Variants in FAM3B observed in about 807,000 individuals in gnomAD.
FAM3B encodes protein FAM3B.
In FAM3B, 29 loss-of-function variants were observed where a neutral mutation model predicts 28.4. That is an observed-to-expected ratio of 1.02 (90% confidence interval 0.76 to 1.39). The LOEUF is 1.39. Ranked by LOEUF, FAM3B falls within the 40% of genes most tolerant of loss-of-function variation. FAM3B has a pLI of 0.00. For missense variants in FAM3B, 266 were observed against 293.9 expected, an observed-to-expected ratio of 0.91 and a Z score of 0.69; for synonymous variants, 91 against 103.0, an observed-to-expected ratio of 0.88 and a Z score of 0.71.
intron 2 of FAM3B, among the ~76,000 whole-genome samples, chr21:41,327,637 G>A (rs2088865803): frequency 6.6e-6 from 1 of 152,196 alleles, no homozygotes; most frequent in Non-Finnish European, 1.5e-5. Flanking sequence ...TTACTCTTGT[G>A]ATTAATTTCT....
chr21:41,326,090 G>C lies in FAM3B; in HGVS notation c.163+3024G>C, dbSNP rs141564012. On this transcript the variant is annotated intron_variant, in intron 2 of 7. Coordinates refer to ENST00000357985, the MANE Select transcript of FAM3B (RefSeq NM_058186.4). This position sits in a 1 kb window ranked among gnomAD's most constrained non-coding sequence, Gnocchi z 4.0. The stretch of plus-strand genomic sequence containing the variant: ...CAGGAGACTAAATAGAAGGTCCGCC[G>C]TTCTCCCTGGCTAGGACACTGGCTT... Among the ~76,000 whole-genome samples, 1 of 152,202 alleles carries C rather than the reference G, an allele frequency of 6.6e-6. No homozygotes were observed. Among genetic ancestry groups the C allele is most frequent in the Non-Finnish European group, 1.5e-5 (1 of 68,034 alleles).
intron 3 of FAM3B, 34 bp from the exon 4 acceptor site, chr21:41,344,442 C>T: frequency 6.2e-7 from 1 of 1,606,432 alleles, no homozygotes; most frequent in Non-Finnish European, 8.5e-7. Flanking sequence ...TCGCACGCCT[C>T]TTGGTACTTG....
chr21:41,311,622 A>C (rs531469352), intron 1 of FAM3B, among the ~76,000 whole-genome samples: 25 of 152,236 alleles, frequency 1.6e-4, no homozygotes, highest in African/African-American at 5.3e-4. Flanking sequence ...ATTGTCTTAC[A>C]TTTTTGCAAA....
Position 41,328,086 on chromosome 21 carries a change from G to A in FAM3B, c.163+5020G>A, listed in dbSNP as rs113305365. 4.7e-3 allele frequency among the ~76,000 whole-genome samples: 723 copies of A among 152,336 alleles called. 8 individuals carry two copies. Among genetic ancestry groups the A allele is most frequent in the African/African-American group, 0.015 (618 of 41,572 alleles). ...TTCTGACAGCAGGGCCTGGTTAAAC[G>A]AACCATGGAGCTGTCTTGCTGAGAA... On this transcript the variant is annotated intron_variant, in intron 2 of 7. Coordinates refer to ENST00000357985, the MANE Select transcript of FAM3B (RefSeq NM_058186.4).
At chr21:41,334,747 G>A (rs2088938186) in intron 2 of FAM3B, among the ~76,000 whole-genome samples, 1 of 152,224 alleles carries the variant, frequency 6.6e-6, no homozygotes, top group African/African-American at 2.4e-5. Flanking sequence ...GGAGCTGTGG[G>A]AAGAGGGCCA....
At chr21:41,357,017 G>A (rs35582013) in intron 7 of FAM3B, 91 bp from the exon 8 acceptor site, 1 of 767,830 alleles carries the variant, frequency 1.3e-6, no homozygotes, top group Non-Finnish European at 2.0e-6. Flanking sequence ...TCCAAATCTA[G>A]GAAGTGGTTG....
intron 7 of FAM3B, among the ~76,000 whole-genome samples, chr21:41,354,509 A>T (rs560543732): frequency 6.6e-5 from 10 of 152,336 alleles, no homozygotes; most frequent in African/African-American, 2.4e-4. Context: ...ATAAAAAAGA[A>T]TGAGATAATG....
intron 2 of FAM3B, among the ~76,000 whole-genome samples, chr21:41,324,432 C>T (rs2088837696): frequency 6.6e-6 from 1 of 152,094 alleles, no homozygotes; most frequent in Non-Finnish European, 1.5e-5. Flanking sequence ...CATCCAGTGG[C>T]CAGTAAAGTC....
chr21:41,310,447 T>C (rs2088703029), intron 1 of FAM3B, among the ~76,000 whole-genome samples: 1 of 152,156 alleles, frequency 6.6e-6, no homozygotes. Context: ...AGAATGTGAG[T>C]GGCACAAGTT....
chr21:41,307,167 T>C (rs2088687094), intron 1 of FAM3B, among the ~76,000 whole-genome samples: 2 of 152,252 alleles, frequency 1.3e-5, no homozygotes, highest in African/African-American at 2.4e-5. Context: ...ATTCTGTAGC[T>C]TCTGCATCAG....
chr21:41,318,598 A>C (rs1195702275), intron 1 of FAM3B, among the ~76,000 whole-genome samples: 1 of 152,210 alleles, frequency 6.6e-6, no homozygotes, highest in Non-Finnish European at 1.5e-5. Context: ...AGTGAGTCCC[A>C]AAATACTGAC....
intron 1 of FAM3B, chr21:41,304,331 C>G: frequency 2.2e-6 from 1 of 455,510 alleles, no homozygotes; most frequent in South Asian, 1.6e-5. Flanking sequence ...GCGGGGCTGG[C>G]GTGGGGAGGG....
At chr21:41,311,278 ATATATATATATATATATATG>A (rs2088712415) in intron 1 of FAM3B, among the ~76,000 whole-genome samples, 1 of 85,016 alleles carries the variant, frequency 1.2e-5, no homozygotes, top group Admixed American at 1.2e-4. Flanking sequence ...ATATATATAT[ATATATATATATATATATATG>A]TATATATACA....
chr21:41,306,529 A>T (rs2088683935), intron 1 of FAM3B, among the ~76,000 whole-genome samples: 1 of 152,244 alleles, frequency 6.6e-6, no homozygotes, highest in Non-Finnish European at 1.5e-5. Flanking sequence ...GTTAGCAGAT[A>T]CAGAAACGAC....
upstream of FAM3B, among the ~76,000 whole-genome samples, chr21:41,315,021 G>A (rs1457295624): frequency 6.6e-6 from 1 of 152,094 alleles, no homozygotes; most frequent in Non-Finnish European, 1.5e-5. Context: ...GTAATTAAGA[G>A]GCAGAAGAAA....
rs763967107 is a variant in FAM3B at position 41,338,386 on chromosome 21, C to T, written c.172C>T (p.Pro58Ser). ...TTTCTTATTCATTACAGCTCCAGTC[C>T]CCAAAAGGCAAAAATGTGACCACTG... The part of the protein sequence containing the change: ...GERPVLKAPV[P>S]KRQKCDHWTP... The change falls in exon 3 of 8, where the codon CCC becomes TCC. Residue 58 changes from proline to serine, a missense_variant. Coordinates refer to ENST00000357985, the MANE Select transcript of FAM3B (RefSeq NM_058186.4). 1 of 1,614,038 alleles carries T rather than the reference C, an allele frequency of 6.2e-7. No individual in the cohort carries two copies. Among genetic ancestry groups the T allele is most frequent in the South Asian group, 1.1e-5 (1 of 91,072 alleles).
chr21:41,325,095 C>T (rs1389984387), intron 2 of FAM3B, among the ~76,000 whole-genome samples: 2 of 152,098 alleles, frequency 1.3e-5, no homozygotes, highest in Non-Finnish European at 2.9e-5. Flanking sequence ...GAGACTCCTT[C>T]TCAAAAACAA....
intron 3 of FAM3B, among the ~76,000 whole-genome samples, chr21:41,344,275 G>A (rs2089035987): frequency 6.6e-6 from 1 of 152,244 alleles, no homozygotes; most frequent in Admixed American, 6.5e-5. Flanking sequence ...CTGAGGGACT[G>A]AGTCTGTAGA....
Position 41,317,130 on chromosome 21 carries a change from C to G in FAM3B, c.19+232C>G, listed in dbSNP as rs971116787. Among the ~76,000 whole-genome samples the G allele has an allele frequency of 9.8e-5, 15 of 152,314 alleles. No individual in the cohort carries two copies. In the East Asian group the frequency reaches 2.9e-3, roughly 29 times the overall value. On this transcript the variant is annotated intron_variant, in intron 1 of 7. Transcript: ENST00000357985. ...TTCCCCGACCCTGTTTCCCCGCGCT[C>G]GCCAGGCCTGTTCCCGCCGCCCCAG...
Sources: gnomAD v4.1 joint callset for allele counts (sites outside exome capture counted in the v4.1 genomes callset) on GRCh38, gnomAD v4.1.1 for gene constraint, Gnocchi (gnomAD v3.1) non-coding constraint, MANE v1.5 for transcripts, NCBI Gene and HGNC (gene_info 2026-07-23, HGNC 2026-07-21) for gene names.